SLIT2: variants seen among roughly 807,000 people sequenced by gnomAD.
The protein encoded by SLIT2 is slit homolog 2 protein.
Under a neutral mutation model 185.7 loss-of-function variants are expected in SLIT2, and 41 were observed. The observed-to-expected ratio is 0.22, with a 90% CI of 0.17 to 0.29. The LOEUF (loss-of-function observed/expected upper bound fraction) is 0.29, where lower values mean the gene tolerates loss of function less well. Ranked by LOEUF, SLIT2 falls within the 10% of genes least tolerant of loss-of-function variation. The probability of loss-of-function intolerance (pLI) is 1.00; values close to 1 mark genes in which losing one functional copy is unlikely to be tolerated. For synonymous variants in SLIT2, 693 were observed against 680.2 expected, an observed-to-expected ratio of 1.02 and a Z score of -0.29; for missense variants, 1,571 against 1,909.0, an observed-to-expected ratio of 0.82 and a Z score of 3.30.
intron 34 of SLIT2, chr4:20,616,108 G>C (rs1729626240): frequency 6.6e-6 from 1 of 152,188 alleles, no homozygotes; most frequent in African/African-American, 2.4e-5. Context: ...TTTTATTTCT[G>C]ATTTCTTGGA....
intron 4 of SLIT2, among the ~76,000 whole-genome samples, chr4:20,317,384 A>G (rs1451960920): frequency 1.3e-5 from 2 of 152,076 alleles, no homozygotes; most frequent in Non-Finnish European, 2.9e-5. Context: ...AAGTAATAAG[A>G]ATTACAGTAA....
At chr4:20,509,246 T>C (rs149218545) in intron 9 of SLIT2, among the ~76,000 whole-genome samples, 1 of 151,986 alleles carries the variant, frequency 6.6e-6, no homozygotes, top group Non-Finnish European at 1.5e-5. Flanking sequence ...TATTTTCCTA[T>C]TGAAAGTGAA....
chr4:20,379,224 G>C (rs771879991), intron 4 of SLIT2, among the ~76,000 whole-genome samples: 14 of 152,078 alleles, frequency 9.2e-5, no homozygotes, highest in Non-Finnish European at 1.8e-4. Context: ...ACTCTGCATG[G>C]GGATATTGAT....
rs1717477603 is a variant in SLIT2, at chr4:20,488,584, T to A, written c.612-235T>A. On this transcript the variant is annotated intron_variant, in intron 7 of 36. Coordinates refer to ENST00000504154, the MANE Select transcript of SLIT2 (RefSeq NM_004787.4). ...CTTTTAAATGAACGTAAGTGAAATATGTTCGTTTAAAACATAATTTTATGG... is the reference window on the plus strand; with the variant it reads ...CTTTTAAATGAACGTAAGTGAAATAAGTTCGTTTAAAACATAATTTTATGG... Among the ~76,000 whole-genome samples, 9 of 152,314 alleles carry A rather than the reference T, an allele frequency of 5.9e-5. No homozygotes were observed. In the South Asian group the frequency reaches 1.9e-3, roughly 32 times the overall value.
intron 4 of SLIT2, among the ~76,000 whole-genome samples, chr4:20,448,718 A>G (rs1470539002): frequency 6.6e-6 from 1 of 151,834 alleles, no homozygotes; most frequent in Non-Finnish European, 1.5e-5. Context: ...GCTCACTGCA[A>G]CCTCCACCTC....
intron 29 of SLIT2, among the ~76,000 whole-genome samples, chr4:20,583,307 A>G (rs1425778127): frequency 6.6e-6 from 1 of 152,170 alleles, no homozygotes; most frequent in Non-Finnish European, 1.5e-5. Flanking sequence ...GTGATGTTAA[A>G]AATCTGATTT....
intron 30 of SLIT2, among the ~76,000 whole-genome samples, chr4:20,592,012 A>G (rs1727556167): frequency 6.6e-6 from 1 of 152,164 alleles, no homozygotes; most frequent in African/African-American, 2.4e-5. Context: ...CTCGTTTCAT[A>G]GCTGTATGTA....
intron 4 of SLIT2, among the ~76,000 whole-genome samples, chr4:20,417,440 A>ATATATATATATATATACG (rs1560405441): frequency 3.5e-5 from 5 of 142,092 alleles, no homozygotes; most frequent in African/African-American, 1.3e-4. Flanking sequence ...GTGTGTGTAT[A>ATATATATATATATATACG]TATATATATA....
At chr4:20,534,073 G>T (rs1346246850) in intron 18 of SLIT2, among the ~76,000 whole-genome samples, 1 of 152,134 alleles carries the variant, frequency 6.6e-6, no homozygotes, top group African/African-American at 2.4e-5. Flanking sequence ...GATCATCCTT[G>T]TTCCAGTGCT....
chr4:20,465,748 A>G (rs1714269073), intron 4 of SLIT2, among the ~76,000 whole-genome samples: 1 of 152,034 alleles, frequency 6.6e-6, no homozygotes, highest in East Asian at 1.9e-4. Flanking sequence ...TTTTCTACAA[A>G]CCACCTAAAA....
chr4:20,396,715 A>G (rs761054001), intron 4 of SLIT2, among the ~76,000 whole-genome samples: 2 of 150,876 alleles, frequency 1.3e-5, no homozygotes, highest in Admixed American at 6.7e-5. Context: ...GATTTTGTAT[A>G]TTGTATGACT....
At chr4:20,461,564 G>A (rs1010089966) in intron 4 of SLIT2, among the ~76,000 whole-genome samples, 1 of 152,120 alleles carries the variant, frequency 6.6e-6, no homozygotes, top group African/African-American at 2.4e-5. Flanking sequence ...GCAGAGAGAT[G>A]GTTGGGAGAC....
chr4:20,373,215 G>A (rs1723738036), intron 4 of SLIT2, among the ~76,000 whole-genome samples: 1 of 151,942 alleles, frequency 6.6e-6, no homozygotes, highest in Non-Finnish European at 1.5e-5. Context: ...TTATTCTGCC[G>A]CTATTATCAT....
intron 4 of SLIT2, among the ~76,000 whole-genome samples, chr4:20,383,849 C>T (rs1724727434): frequency 6.6e-6 from 1 of 152,046 alleles, no homozygotes; most frequent in Admixed American, 6.6e-5. Context: ...ATTACAGGCG[C>T]TGGCCACCAT....
At chr4:20,474,777 C>T (rs1006825618) in intron 5 of SLIT2, among the ~76,000 whole-genome samples, 5 of 151,936 alleles carry the variant, frequency 3.3e-5, no homozygotes, top group African/African-American at 1.2e-4. Context: ...ATAATTTTAA[C>T]AAGGTTGCCA....
At chr4:20,279,620 C>T (rs1049269083) in intron 4 of SLIT2, among the ~76,000 whole-genome samples, 2 of 152,116 alleles carry the variant, frequency 1.3e-5, no homozygotes, top group African/African-American at 2.4e-5. Flanking sequence ...ACCTGCCAAG[C>T]GCCTCAGTTT....
chr4:20,399,104 A>T (rs1482887172), intron 4 of SLIT2, among the ~76,000 whole-genome samples: 1 of 151,724 alleles, frequency 6.6e-6, no homozygotes, highest in Non-Finnish European at 1.5e-5. Flanking sequence ...GAGCCTACTA[A>T]AATAAAAAAT....
At chr4:20,556,222 A>C (rs542478711) in intron 26 of SLIT2, among the ~76,000 whole-genome samples, 6 of 152,016 alleles carry the variant, frequency 3.9e-5, no homozygotes, top group African/African-American at 1.5e-4. Context: ...GCTGAGAAGT[A>C]TATCATTATT....
chr4:20,612,112 T>A (rs1043185109), intron 34 of SLIT2, among the ~76,000 whole-genome samples: 1 of 151,690 alleles, frequency 6.6e-6, no homozygotes, highest in Admixed American at 6.6e-5. Flanking sequence ...GCATGGTGGC[T>A]CACACCCATA....
Sources: gnomAD v4.1 joint callset for allele counts (sites outside exome capture counted in the v4.1 genomes callset) on GRCh38, gnomAD v4.1.1 for gene constraint, MANE v1.5 for transcripts, NCBI Gene and HGNC (gene_info 2026-07-23, HGNC 2026-07-21) for gene names.